The following SLC4A4 variants were observed in gnomAD, a reference collection of about 807,000 sequenced individuals.
SLC4A4 encodes the protein electrogenic sodium bicarbonate cotransporter 1.
In SLC4A4, 27 loss-of-function variants were observed where a neutral mutation model predicts 111.5. That is an observed-to-expected ratio of 0.24 (90% CI 0.18 to 0.33). SLC4A4 has a LOEUF of 0.33. SLC4A4 is among the 10% of genes least tolerant of loss of function. The probability of loss-of-function intolerance (pLI) is 1.00; values close to 1 mark genes in which losing one functional copy is unlikely to be tolerated. For missense variants in SLC4A4, 909 were observed against 1,315.5 expected, an observed-to-expected ratio of 0.69 and a Z score of 4.78; for synonymous variants, 443 against 463.4, an observed-to-expected ratio of 0.96 and a Z score of 0.57.
At position 71,163,456 on chromosome 4, in the gene SLC4A4, A is replaced by G. The variant is rs72860062; in HGVS notation, c.-2+70664A>G. Among the ~76,000 whole-genome samples, 1,435 of 152,296 alleles carry G rather than the reference A, an allele frequency of 9.4e-3. 26 individuals carry two copies. The highest frequency in any genetic ancestry group is 0.033 in the African/African-American group (1,361 of 41,566). ...GTCTGTTTTCTTCTGCTGTGATGTC[A>G]CAGAGCAGTTTTGTTGCATTCCAAT... On this transcript the variant is annotated intron_variant, in intron 2 of 26. Coordinates refer to the SLC4A4 transcript ENST00000649996.
At chr4:71,320,586 T>C (rs1727044974) in intron 3 of SLC4A4, among the ~76,000 whole-genome samples, 2 of 152,028 alleles carry the variant, frequency 1.3e-5, no homozygotes, top group African/African-American at 4.8e-5. Flanking sequence ...ATGCGTAATC[T>C]CTACTTTACA....
intron 6 of SLC4A4, among the ~76,000 whole-genome samples, chr4:71,373,207 G>C (rs1463195271): frequency 3.3e-5 from 5 of 152,262 alleles, no homozygotes; most frequent in African/African-American, 1.2e-4. Flanking sequence ...CAGAGGGAAG[G>C]AGATAAGGGA....
intron 6 of SLC4A4, among the ~76,000 whole-genome samples, chr4:71,368,391 T>G (rs1447651382): frequency 1.3e-5 from 2 of 152,190 alleles, no homozygotes; most frequent in Non-Finnish European, 2.9e-5. Context: ...CTAACATACA[T>G]CCTTAAATTG....
chr4:71,548,649 T>G (rs1735742817), intron 20 of SLC4A4, among the ~76,000 whole-genome samples: 1 of 151,944 alleles, frequency 6.6e-6, no homozygotes, highest in Non-Finnish European at 1.5e-5. Flanking sequence ...TTCCAAATTT[T>G]CTCTTACAAT....
intron 15 of SLC4A4, among the ~76,000 whole-genome samples, chr4:71,489,028 G>C (rs1729668652): frequency 7.8e-6 from 1 of 128,078 alleles, no homozygotes; most frequent in Admixed American, 8.2e-5. Flanking sequence ...TACAATATAG[G>C]TAAATGACTC....
intron 14 of SLC4A4, among the ~76,000 whole-genome samples, chr4:71,484,128 G>T (rs1373991319): frequency 2.6e-5 from 4 of 151,712 alleles, no homozygotes; most frequent in African/African-American, 9.7e-5. Flanking sequence ...TAGGTTGTTT[G>T]TTTACTCTGT....
rs887818832 is a variant in SLC4A4 at position 71,106,457 on chromosome 4, T to G, written c.-2+13665T>G. On this transcript the variant is annotated intron_variant, in intron 2 of 26. Coordinates refer to the SLC4A4 transcript ENST00000649996. ...CAAAGGACTATAAATCATGCTGCTA[T>G]AAAGACACATGCACACATATGTTTA... Among the ~76,000 whole-genome samples the G allele has an allele frequency of 1.6e-4, 24 of 147,644 alleles. No individual in the cohort carries two copies. The East Asian group carries it at 2.4e-3, about 15-fold the overall frequency.
chr4:71,163,585 A>G (rs1041439644), intron 2 of SLC4A4, among the ~76,000 whole-genome samples: 5 of 152,248 alleles, frequency 3.3e-5, no homozygotes, highest in Non-Finnish European at 5.9e-5. Context: ...AAAACAGTAG[A>G]TATATAGACT....
chr4:71,147,058 T>C (rs1464822560), intron 2 of SLC4A4, among the ~76,000 whole-genome samples: 1 of 151,594 alleles, frequency 6.6e-6, no homozygotes, highest in African/African-American at 2.4e-5. Flanking sequence ...ACCAAGCAAA[T>C]GGAAAACAAA....
At chr4:71,304,992 T>C (rs1283074799) in intron 3 of SLC4A4, among the ~76,000 whole-genome samples, 1 of 152,236 alleles carries the variant, frequency 6.6e-6, no homozygotes, top group African/African-American at 2.4e-5. Context: ...ACAAATATGC[T>C]CAGTTACTGG....
chr4:71,135,790 T>C (rs995928124), intron 2 of SLC4A4, among the ~76,000 whole-genome samples: 74 of 152,184 alleles, frequency 4.9e-4, no homozygotes, highest in Non-Finnish European at 4.0e-4. Context: ...AGTTCACCTT[T>C]TTTAGATTCT....
intron 3 of SLC4A4, among the ~76,000 whole-genome samples, chr4:71,257,235 T>C (rs1319427231): frequency 6.6e-6 from 1 of 152,234 alleles, no homozygotes; most frequent in Non-Finnish European, 1.5e-5. Context: ...GGGGGAATAC[T>C]GCATTATGTT....
intron 8 of SLC4A4, among the ~76,000 whole-genome samples, chr4:71,443,120 A>C (rs71621704): frequency 0.41 from 20,582 of 50,136 alleles, 2,590 homozygotes; most frequent in East Asian, 0.47. Context: ...CTCTCTCTAT[A>C]TATATATATA....
chr4:71,276,929 TC>T (rs1192284615), intron 3 of SLC4A4, among the ~76,000 whole-genome samples: 1 of 151,930 alleles, frequency 6.6e-6, no homozygotes, highest in Non-Finnish European at 1.5e-5. Flanking sequence ...ACACCTGTGG[TC>T]CCAGCTACTT....
At chr4:71,466,822 G>A (rs1727366599) in intron 13 of SLC4A4, among the ~76,000 whole-genome samples, 1 of 151,868 alleles carries the variant, frequency 6.6e-6, no homozygotes, top group Non-Finnish European at 1.5e-5. Flanking sequence ...CTTTCCCATT[G>A]TCCTGCCCTG....
At position 71,568,104 on chromosome 4, in the gene SLC4A4, C is replaced by G. The variant is rs531536784; in HGVS notation, c.*353C>G. The G allele has an allele frequency of 6.0e-5, 27 of 447,070 alleles. No individual in the cohort carries two copies. In the South Asian group the frequency reaches 7.4e-4, roughly 12 times the overall value. 27.7% of individuals were successfully genotyped at this position (447,070 alleles called of 1,614,324 possible). ...GCATCTGAGGAATCCCCCTTTTGTT[C>G]TTAAACTTTCAGATGTGTCCTTTGA... On this transcript the variant is annotated 3_prime_UTR_variant, in exon 26 of 26. Coordinates refer to ENST00000264485, the MANE Select transcript of SLC4A4 (RefSeq NM_001098484.3).
At chr4:71,296,315 C>A (rs1232064655) in intron 3 of SLC4A4, among the ~76,000 whole-genome samples, 1 of 152,164 alleles carries the variant, frequency 6.6e-6, no homozygotes, top group Non-Finnish European at 1.5e-5. Context: ...TTTGGATTTA[C>A]ACGCATTTAA....
intron 16 of SLC4A4, among the ~76,000 whole-genome samples, chr4:71,517,701 GTTTCTGTGCATT>G (rs1578096235): frequency 6.6e-6 from 1 of 152,132 alleles, no homozygotes; most frequent in Non-Finnish European, 1.5e-5. Flanking sequence ...CTCCTGATTT[GTTTCTGTGCATT>G]TGAAGACATA....
chr4:71,400,523 A>T (rs1490588977), intron 7 of SLC4A4, among the ~76,000 whole-genome samples: 1 of 152,204 alleles, frequency 6.6e-6, no homozygotes, highest in Non-Finnish European at 1.5e-5. Context: ...ATATAATTAT[A>T]AGACCAACTA....
Sources: allele counts gnomAD v4.1 joint callset (sites outside exome capture counted in the v4.1 genomes callset), GRCh38; gene constraint gnomAD v4.1.1; transcripts MANE v1.5; gene names NCBI Gene and HGNC (gene_info 2026-07-23, HGNC 2026-07-21).